Variants in HDAC9 observed in about 807,000 individuals in gnomAD.
HDAC9 encodes MEF-2 interacting transcription repressor (MITR) protein.
HDAC9 carries 41 observed loss-of-function variants against 139.4 expected under a neutral mutation model. That is an observed-to-expected ratio of 0.29 (90% CI 0.23 to 0.38). HDAC9 has a LOEUF of 0.38. Among genes scored for constraint, HDAC9 ranks in the 10% least tolerant of loss-of-function variants. The probability of loss-of-function intolerance (pLI) is 1.00; values close to 1 mark genes in which losing one functional copy is unlikely to be tolerated. For missense variants in HDAC9, 1,147 were observed against 1,297.0 expected, an observed-to-expected ratio of 0.88 and a Z score of 1.78; for synonymous variants, 517 against 476.2, an observed-to-expected ratio of 1.09 and a Z score of -1.12.
At chr7:18,897,116 AAATT>A (rs1779079387) in intron 22 of HDAC9, among the ~76,000 whole-genome samples, 1 of 151,922 alleles carries the variant, frequency 6.6e-6, no homozygotes, top group Non-Finnish European at 1.5e-5. Flanking sequence ...TGAATATAAT[AAATT>A]TTAAAAATAG....
intron 22 of HDAC9, among the ~76,000 whole-genome samples, chr7:18,925,149 C>T (rs183113814): frequency 6.6e-6 from 1 of 152,084 alleles, no homozygotes; most frequent in African/African-American, 2.4e-5. Context: ...ATTTTTCAGG[C>T]ACAACTGGCA....
At chr7:18,323,901 A>G (rs1800232921) in intron 1 of HDAC9, among the ~76,000 whole-genome samples, 1 of 151,512 alleles carries the variant, frequency 6.6e-6, no homozygotes, top group African/African-American at 2.4e-5. Flanking sequence ...TTCAGAGCCT[A>G]GGAAGGACCT....
At chr7:18,926,738 C>CA (rs1283792798) in intron 22 of HDAC9, among the ~76,000 whole-genome samples, 1 of 152,076 alleles carries the variant, frequency 6.6e-6, no homozygotes, top group Non-Finnish European at 1.5e-5. Flanking sequence ...TTTTGTCTTA[C>CA]AAAAAATAAT....
At chr7:18,740,003 C>G (rs920356318) in intron 13 of HDAC9, among the ~76,000 whole-genome samples, 8 of 152,240 alleles carry the variant, frequency 5.3e-5, no homozygotes, top group Non-Finnish European at 1.0e-4. Context: ...AGCCAGGCTG[C>G]TCCCTCACAG....
chr7:18,927,470 T>A (rs1180503856), intron 22 of HDAC9, among the ~76,000 whole-genome samples: 1 of 151,890 alleles, frequency 6.6e-6, no homozygotes, highest in African/African-American at 2.4e-5. Flanking sequence ...GACCAGGGGG[T>A]TTAGAGAGGG....
At chr7:18,854,576 A>G (rs942661727) in intron 21 of HDAC9, among the ~76,000 whole-genome samples, 6 of 152,102 alleles carry the variant, frequency 3.9e-5, no homozygotes, top group African/African-American at 1.2e-4. Flanking sequence ...ATAGGAGGGT[A>G]GAGAAAATAT....
intron 14 of HDAC9, 39 bp from the exon 15 acceptor site, chr7:18,762,118 G>T (rs1409781469): frequency 2.5e-6 from 4 of 1,611,250 alleles, no homozygotes; most frequent in Non-Finnish European, 3.4e-6. Context: ...TCTAAATGTT[G>T]TCAGTGGTGT....
At chr7:18,590,188 T>C in intron 3 of HDAC9, 148 bp from the exon 4 acceptor site, 2 of 849,504 alleles carry the variant, frequency 2.4e-6, no homozygotes, top group East Asian at 5.4e-5. Context: ...TGCTTGTCCT[T>C]AGATTTCAAT....
At chr7:18,618,770 T>C (rs1245825359) in intron 6 of HDAC9, among the ~76,000 whole-genome samples, 1 of 122,244 alleles carries the variant, frequency 8.2e-6, no homozygotes, top group African/African-American at 2.7e-5. Context: ...ATGTAGGAAT[T>C]CGTTTGTTAC....
intron 2 of HDAC9, among the ~76,000 whole-genome samples, chr7:18,168,432 A>G (rs1788148620): frequency 6.6e-6 from 1 of 152,236 alleles, no homozygotes; most frequent in South Asian, 2.1e-4. Flanking sequence ...TAAGCCCTGT[A>G]AGCAAAATCT....
Position 18,524,794 on chromosome 7 carries a change from T to G in HDAC9, c.22+28470T>G, listed in dbSNP as rs189945258. On this transcript the variant is annotated intron_variant, in intron 2 of 25. Transcript: ENST00000686413. Reference sequence around the variant, plus strand: ...GATTATTACCTCCCAAACCCCTGAGTTGAAGAGTAGATGGAGAGCCTGTGT... The same window carrying G: ...GATTATTACCTCCCAAACCCCTGAGGTGAAGAGTAGATGGAGAGCCTGTGT... 6.2e-4 allele frequency among the ~76,000 whole-genome samples: 94 copies of G among 151,146 alleles called. No homozygotes were observed. The East Asian group carries it at 0.015, about 25-fold the overall frequency.
chr7:18,617,652 T>A (rs1006523287), intron 6 of HDAC9, among the ~76,000 whole-genome samples: 1 of 152,182 alleles, frequency 6.6e-6, no homozygotes, highest in Non-Finnish European at 1.5e-5. Context: ...CATATCTCTG[T>A]GCATATATCT....
chr7:18,647,603 T>A (rs1787846761), intron 9 of HDAC9, among the ~76,000 whole-genome samples, 182 bp from the exon 10 acceptor site: 1 of 152,166 alleles, frequency 6.6e-6, no homozygotes, highest in South Asian at 2.1e-4. Context: ...CCAACCCTAT[T>A]TTTATTCCTT....
intron 2 of HDAC9, among the ~76,000 whole-genome samples, chr7:18,514,681 T>C (rs1802607668): frequency 6.6e-6 from 1 of 152,214 alleles, no homozygotes; most frequent in Admixed American, 6.5e-5. Flanking sequence ...GGCCCATGCC[T>C]ATAAACCTCA....
At chr7:18,493,667 C>A (rs1160166959), upstream of HDAC9, among the ~76,000 whole-genome samples, 1 of 151,640 alleles carries the variant, frequency 6.6e-6, no homozygotes, top group African/African-American at 2.4e-5. Context: ...AATTATTTCA[C>A]AAGGTATAGG....
chr7:18,873,854 C>G (rs894274153), intron 21 of HDAC9, among the ~76,000 whole-genome samples: 5 of 152,102 alleles, frequency 3.3e-5, no homozygotes, highest in Non-Finnish European at 5.9e-5. Context: ...CTGGGGCCAG[C>G]AGGGGTTGCT....
chr7:18,991,940 C>G (rs910045156), intron 25 of HDAC9, among the ~76,000 whole-genome samples: 3 of 152,168 alleles, frequency 2.0e-5, no homozygotes, highest in Non-Finnish European at 2.9e-5. Context: ...GTGCCTAGAA[C>G]AGAACCAGGG....
At chr7:18,868,633 GT>G (rs917066454) in intron 21 of HDAC9, among the ~76,000 whole-genome samples, 10 of 151,852 alleles carry the variant, frequency 6.6e-5, no homozygotes, top group East Asian at 1.9e-4. Flanking sequence ...TCTTGCTACA[GT>G]TTTTTTTCTT....
rs539213214 is a variant in HDAC9 at position 18,444,305 on chromosome 7, G to A, written c.-41-51957G>A. Among the ~76,000 whole-genome samples, 274 of 132,000 alleles carry A rather than the reference G, an allele frequency of 2.1e-3. 1 individual carries two copies. The highest frequency in any genetic ancestry group is 6.5e-3 in the African/African-American group (218 of 33,664). The allele number at this position is 132,000 out of a possible 152,430, so 86.6% of individuals were successfully genotyped here. A position where few individuals can be genotyped will look rare whatever the true frequency, so the allele number is the denominator to read the frequency against. The stretch of plus-strand genomic sequence containing the variant: ...AGTAAGCCATGATCATGCCAATGCT[G>A]CACTACAGCCTAGGTGACAGAGTGA... On this transcript the variant is annotated intron_variant, in intron 1 of 3. Transcript: ENST00000413509.
Sources: gnomAD v4.1 joint callset for allele counts (sites outside exome capture counted in the v4.1 genomes callset) on GRCh38, gnomAD v4.1.1 for gene constraint, MANE v1.5 for transcripts, NCBI Gene and HGNC (gene_info 2026-07-23, HGNC 2026-07-21) for gene names.